The following UBE2L3 variants were observed in gnomAD, a reference collection of about 807,000 sequenced individuals.
The protein encoded by UBE2L3 is ubiquitin conjugating enzyme E2 L3.
In UBE2L3, 1 loss-of-function variant was observed where a neutral mutation model predicts 17.8. The observed-to-expected ratio is 0.06, with a 90% CI of 0.02 to 0.27. UBE2L3 has a LOEUF of 0.27. Ranked by LOEUF, UBE2L3 falls within the 10% of genes least tolerant of loss-of-function variation. The pLI, the probability that UBE2L3 is intolerant of heterozygous loss-of-function variation, is 1.00. For missense variants in UBE2L3, 40 were observed against 192.6 expected (o/e 0.21, Z 4.69); for synonymous variants, 44 against 68.5 (o/e 0.64, Z 1.76).
intron 1 of UBE2L3, among the ~76,000 whole-genome samples, chr22:21,585,235 C>T (rs1464524623): frequency 6.6e-6 from 1 of 152,170 alleles, no homozygotes; most frequent in Non-Finnish European, 1.5e-5. Context: ...GGACGCTAAA[C>T]ATGGCACAAA....
chr22:21,571,330 G>A (rs1926950951), intron 1 of UBE2L3, among the ~76,000 whole-genome samples: 1 of 152,204 alleles, frequency 6.6e-6, no homozygotes, highest in African/African-American at 2.4e-5. Context: ...CTCCTGTTGA[G>A]TAGCTTCCCA....
chr22:21,616,577 G>A (rs1929785749), intron 3 of UBE2L3, among the ~76,000 whole-genome samples: 2 of 151,486 alleles, frequency 1.3e-5, no homozygotes, highest in Non-Finnish European at 2.9e-5. Flanking sequence ...ACTTGAACCC[G>A]AGAGGCGGAG....
chr22:21,561,830 A>G (rs1342349858), intron 1 of UBE2L3, among the ~76,000 whole-genome samples: 2 of 152,234 alleles, frequency 1.3e-5, no homozygotes, highest in African/African-American at 2.4e-5. Context: ...CCTCACCTGC[A>G]TGCTCTAGAT....
intron 1 of UBE2L3, among the ~76,000 whole-genome samples, chr22:21,577,858 C>T (rs1032794631): frequency 1.3e-5 from 2 of 152,110 alleles, no homozygotes; most frequent in East Asian, 3.8e-4. Flanking sequence ...AGCCCTTATC[C>T]CAGCAGGCAC....
intron 1 of UBE2L3, among the ~76,000 whole-genome samples, chr22:21,571,724 C>T (rs78456257): frequency 0.016 from 2,397 of 152,276 alleles, 35 homozygotes; most frequent in Non-Finnish European, 0.024. Context: ...AAAATGTTCA[C>T]TCAGAACTTC....
chr22:21,562,394 C>A (rs113587339), intron 1 of UBE2L3, among the ~76,000 whole-genome samples: 10,590 of 144,288 alleles, frequency 0.073, 1,456 homozygotes, highest in African/African-American at 0.27. Context: ...TTTTTTGAGA[C>A]GGAGTCTCGC....
At chr22:21,579,747 G>A (rs920045909) in intron 1 of UBE2L3, among the ~76,000 whole-genome samples, 9 of 151,958 alleles carry the variant, frequency 5.9e-5, no homozygotes, top group Non-Finnish European at 8.8e-5. Flanking sequence ...CTCCAGCGTC[G>A]GCAACAAAGC....
At chr22:21,599,568 C>T (rs1044402554) in intron 2 of UBE2L3, among the ~76,000 whole-genome samples, 1 of 143,850 alleles carries the variant, frequency 7.0e-6, no homozygotes, top group Admixed American at 6.9e-5. Flanking sequence ...AGCAGGGCAG[C>T]GGTGGGTGGG....
At position 21,621,708 on chromosome 22, in the gene UBE2L3, C is replaced by T. The variant is rs772601568; in HGVS notation, c.*39C>T. The T allele has an allele frequency of 3.3e-6, 5 of 1,503,186 alleles. No homozygotes were observed. The highest frequency in any genetic ancestry group is 1.2e-5 in the South Asian group (1 of 86,310). The allele number at this position is 1,503,186 out of a possible 1,614,324, so 93.1% of individuals were successfully genotyped here. A position where few individuals can be genotyped will look rare whatever the true frequency, so the allele number is the denominator to read the frequency against. On this transcript the variant is annotated 3_prime_UTR_variant, in exon 4 of 4. Transcript: ENST00000342192. ...TGGTTCCAGCAAGTGTGAGCAGAGA[C>T]CCCGTGCAGTGCATTCAGACACCCC... is the stretch of plus-strand genomic sequence containing the variant.
intron 2 of UBE2L3, among the ~76,000 whole-genome samples, chr22:21,606,323 G>A (rs1303093158): frequency 2.0e-5 from 3 of 152,044 alleles, no homozygotes; most frequent in African/African-American, 4.8e-5. Context: ...GTATGTGTGT[G>A]TGTGTGTGGT....
chr22:21,614,182 C>T (rs1264108217), intron 3 of UBE2L3, among the ~76,000 whole-genome samples: 1 of 152,170 alleles, frequency 6.6e-6, no homozygotes, highest in Admixed American at 6.5e-5. Flanking sequence ...GTTGGGTGTC[C>T]CTGTTTTTCT....
intron 1 of UBE2L3, among the ~76,000 whole-genome samples, chr22:21,577,057 C>T (rs1419578016): frequency 6.6e-6 from 1 of 151,836 alleles, no homozygotes; most frequent in Non-Finnish European, 1.5e-5. Flanking sequence ...AAAGCTCCGC[C>T]TCCTGGGTTC....
chr22:21,577,753 T>C (rs1927394662), intron 1 of UBE2L3, among the ~76,000 whole-genome samples: 1 of 152,312 alleles, frequency 6.6e-6, no homozygotes, highest in African/African-American at 2.4e-5. Flanking sequence ...TCCAGGGCTG[T>C]GTTGATTATA....
chr22:21,598,715 T>C (rs1026035297), intron 2 of UBE2L3, among the ~76,000 whole-genome samples: 1 of 151,724 alleles, frequency 6.6e-6, no homozygotes, highest in African/African-American at 2.4e-5. Flanking sequence ...ATAATAATAA[T>C]AATAAATGGG....
rs902976188 is a variant in UBE2L3, at chr22:21,623,686, G to A, written c.*2017G>A. 2.6e-5 allele frequency: 4 copies of A among 152,942 alleles called. No individual in the cohort carries two copies. Among genetic ancestry groups the A allele is most frequent in the African/African-American group, 9.6e-5 (4 of 41,466 alleles). 9.5% of individuals were successfully genotyped at this position (152,942 alleles called of 1,614,324 possible). ...CTCAGCCCTGGCACTGGCACCCCAG[G>A]GTTGGCCCCGTCAGCAGAGGCTTGG... On this transcript the variant is annotated 3_prime_UTR_variant, in exon 4 of 4. Transcript: ENST00000342192.
chr22:21,600,322 A>C (rs1162562639), intron 2 of UBE2L3, among the ~76,000 whole-genome samples: 1 of 152,060 alleles, frequency 6.6e-6, no homozygotes, highest in African/African-American at 2.4e-5. Flanking sequence ...TAAAAAAACA[A>C]AACAAAACAA....
chr22:21,593,669 C>T (rs145806304), intron 2 of UBE2L3, among the ~76,000 whole-genome samples: 114 of 152,182 alleles, frequency 7.5e-4, no homozygotes, highest in Non-Finnish European at 1.2e-3. Context: ...TGCAATCCCC[C>T]TTCCTCTCAC....
chr22:21,561,015 A>G (rs1926412339), intron 1 of UBE2L3, among the ~76,000 whole-genome samples: 1 of 152,260 alleles, frequency 6.6e-6, no homozygotes, highest in African/African-American at 2.4e-5. Context: ...GAAAAGAGAG[A>G]AGAAGGAGGA....
At chr22:21,584,120 C>T (rs182721862) in intron 1 of UBE2L3, among the ~76,000 whole-genome samples, 1,771 of 152,206 alleles carry the variant, frequency 0.012, 39 homozygotes, top group African/African-American at 0.04. Context: ...GGTGATCCGC[C>T]CGCCTTGGCC....
Sources: gnomAD v4.1 joint callset for allele counts (sites outside exome capture counted in the v4.1 genomes callset) on GRCh38, gnomAD v4.1.1 for gene constraint, MANE v1.5 for transcripts, NCBI Gene and HGNC (gene_info 2026-07-23, HGNC 2026-07-21) for gene names.